ARGLU1: variants seen among roughly 807,000 people sequenced by gnomAD.
ARGLU1 encodes the protein arginine and glutamate rich 1.
A neutral mutation model predicts 37.6 loss-of-function variants in ARGLU1; 9 were observed. That is an observed-to-expected ratio of 0.24 (90% CI 0.14 to 0.42). The LOEUF is 0.42. Among genes scored for constraint, ARGLU1 ranks in the 10% least tolerant of loss-of-function variants. ARGLU1 has a pLI of 1.00. For synonymous variants in ARGLU1, 166 were observed against 138.5 expected (o/e 1.20, Z -1.39); for missense variants, 211 against 359.2 (o/e 0.59, Z 3.34).
At position 106,559,626 on chromosome 13, in the gene ARGLU1, C is replaced by T. The variant is rs1216219955; in HGVS notation, c.379G>A (p.Glu127Lys). Residue 127 changes from glutamate to lysine, a missense_variant, in exon 2 of 4, where the codon GAG becomes AAG. Glu to Lys is a moderately conservative substitution (Grantham distance 56, BLOSUM62 1). This residue lies in a region of ARGLU1 where 1 missense variants were observed against 21.1 expected (regional missense o/e 0.05). Transcript: ENST00000400198. ...TCTACTCTTCGTGCTGTTTCTTCCT[C>T]GATGAGTTTTTCTTCTATTTCTTGC... ...RQQEIEEKLI[E>K]EETARRVEEL... The T allele has an allele frequency of 1.2e-6, 2 of 1,613,522 alleles. No individual in the cohort carries two copies. The highest frequency in any genetic ancestry group is 1.7e-6 in the Non-Finnish European group (2 of 1,179,794).
chr13:106,557,083 T>C lies in ARGLU1; in HGVS notation c.622A>G (p.Asn208Asp). Residue 208 changes from asparagine (N) to aspartate (D), a missense_variant, in exon 3 of 4, where the codon AAT becomes GAT. Around this residue, in one of 3 missense-constraint regions of ARGLU1, gnomAD observed 80 missense variants for 158.4 expected, o/e 0.51. Coordinates refer to ENST00000400198, the MANE Select transcript of ARGLU1 (RefSeq NM_018011.4). This position sits in a 1 kb window ranked among gnomAD's most constrained non-coding sequence, Gnocchi z 5.0. ...TGTGCTTCTGCAATTTTTCGGTTAT[T>C]CTCTTCCAGTATTCGCTCTAGCTCC... ...REELERILEE[N>D]NRKIAEAQAK... The C allele has an allele frequency of 6.2e-7, 1 of 1,614,098 alleles. No homozygotes were observed. The highest frequency in any genetic ancestry group is 8.5e-7 in the Non-Finnish European group (1 of 1,179,940).
chr13:106,554,921 T>A (rs1282434414), intron 3 of ARGLU1, among the ~76,000 whole-genome samples: 3 of 152,120 alleles, frequency 2.0e-5, no homozygotes, highest in African/African-American at 7.2e-5. Context: ...CAGTATCAAT[T>A]TACTACGCTC....
chr13:106,560,608 T>C (rs1371836448), intron 1 of ARGLU1, among the ~76,000 whole-genome samples: 1 of 152,184 alleles, frequency 6.6e-6, no homozygotes. Context: ...ATAAAATTAA[T>C]TTCATCCATT....
At chr13:106,563,001 A>AC (rs1040619280) in intron 1 of ARGLU1, among the ~76,000 whole-genome samples, 6 of 121,432 alleles carry the variant, frequency 4.9e-5, no homozygotes, top group African/African-American at 1.9e-4. Flanking sequence ...AAAAAAAAAA[A>AC]AAAAAAACAA....
Position 106,543,062 on chromosome 13 carries a change from G to C in ARGLU1, c.*934C>G, listed in dbSNP as rs185000451. On this transcript the variant is annotated 3_prime_UTR_variant, in exon 4 of 4. Transcript: ENST00000400198. ...CTTATATCCTAAAACAGAGGCACAG[G>C]TTTGAGAATTTAAATCTTCTGGATG... The C allele has an allele frequency of 6.6e-6, 1 of 151,960 alleles. No individual in the cohort carries two copies. Among genetic ancestry groups the C allele is most frequent in the Admixed American group, 6.6e-5 (1 of 15,256 alleles). 9.4% of individuals were successfully genotyped at this position (151,960 alleles called of 1,614,324 possible). A position where few individuals can be genotyped will look rare whatever the true frequency, so the allele number is the denominator to read the frequency against.
At chr13:106,549,187 G>T (rs557368095) in intron 3 of ARGLU1, among the ~76,000 whole-genome samples, 6 of 152,158 alleles carry the variant, frequency 3.9e-5, no homozygotes, top group Admixed American at 2.6e-4. Context: ...CAGAGATACT[G>T]AAATCTATTC....
In ARGLU1 at chr13:106,543,875, A is replaced by G; in HGVS notation, c.*121T>C. The G allele has an allele frequency of 9.9e-7, 1 of 1,007,562 alleles. No homozygotes were observed. The highest frequency in any genetic ancestry group is 1.4e-6 in the Non-Finnish European group (1 of 706,440). The allele number at this position is 1,007,562 out of a possible 1,614,324, so 62.4% of individuals were successfully genotyped here. On this transcript the variant is annotated 3_prime_UTR_variant, in exon 4 of 4. Transcript: ENST00000400198. ...GCAGAGCATAGCCCCTATTAGAACA[A>G]GCTAACTTTCCAGATTTTACAAATT...
rs150399115 is a variant in ARGLU1 at position 106,556,779 on chromosome 13, G to C, written c.657+269C>G. Reference sequence around the variant, plus strand: ...TTTAGGCATAGGAGAATGTGAATGAGGTTAGGAAAGAAAAAACTGGGGATA... The same window carrying C: ...TTTAGGCATAGGAGAATGTGAATGACGTTAGGAAAGAAAAAACTGGGGATA... On this transcript the variant is annotated intron_variant, in intron 3 of 3. Transcript: ENST00000400198. Among the ~76,000 whole-genome samples, 335 of 152,200 alleles carry C rather than the reference G, an allele frequency of 2.2e-3. 3 individuals carry two copies. The highest frequency in any genetic ancestry group is 0.019 in the Admixed American group (290 of 15,284).
chr13:106,545,825 G>C (rs1167391644), intron 3 of ARGLU1, among the ~76,000 whole-genome samples: 1 of 152,174 alleles, frequency 6.6e-6, no homozygotes, highest in African/African-American at 2.4e-5. Context: ...AATCTGGCAG[G>C]TGAGCATGGT....
rs1049155361 is a variant in ARGLU1, at chr13:106,555,318, G to A, written c.657+1730C>T. On this transcript the variant is annotated intron_variant, in intron 3 of 3. Coordinates refer to ENST00000400198, the MANE Select transcript of ARGLU1 (RefSeq NM_018011.4). ...GGAGGCTGCAATGACCCGAGACTGCGCCATTGCACTTCAGCCTGGGCAACA... is the reference window on the plus strand; with the variant it reads ...GGAGGCTGCAATGACCCGAGACTGCACCATTGCACTTCAGCCTGGGCAACA... 3.3e-5 allele frequency among the ~76,000 whole-genome samples: 5 copies of A among 152,210 alleles called. No homozygotes were observed. The East Asian group carries it at 7.7e-4, about 24-fold the overall frequency.
chr13:106,547,822 A>G (rs1880433702), intron 3 of ARGLU1, among the ~76,000 whole-genome samples: 1 of 152,156 alleles, frequency 6.6e-6, no homozygotes, highest in Admixed American at 6.5e-5. Flanking sequence ...TCCTAAAAAA[A>G]CAAAATTTGA....
chr13:106,545,208 A>T (rs1880360295), intron 3 of ARGLU1, among the ~76,000 whole-genome samples: 3 of 152,196 alleles, frequency 2.0e-5, no homozygotes, highest in Admixed American at 6.5e-5. Context: ...GACAGCTCCC[A>T]CAACAAAGAA....
intron 2 of ARGLU1, chr13:106,559,223 T>A (rs1390780287): frequency 6.6e-6 from 10 of 1,516,762 alleles, no homozygotes; most frequent in Non-Finnish European, 8.8e-7. Context: ...TATCCTTGAA[T>A]ATGTTTTATA....
Position 106,559,520 on chromosome 13 carries a change from T to A in ARGLU1, c.485A>T (p.Glu162Val), listed in dbSNP as rs764160022. The A allele has an allele frequency of 2.5e-6, 4 of 1,614,208 alleles. No individual in the cohort carries two copies. Among genetic ancestry groups the A allele is most frequent in the Non-Finnish European group, 3.4e-6 (4 of 1,180,044 alleles). ...EIEREVLRRVEEAKRIMEKQL... is the reference protein window; with the variant it reads ...EIEREVLRRVVEAKRIMEKQL... ...CTTTTCCATGATGCGTTTGGCTTCC[T>A]CCACCCTTCGGAGAACTTCTCGTTC... is the stretch of plus-strand genomic sequence containing the variant. The change falls in exon 2 of 4, where the codon GAG becomes GTG. Residue 162 changes from glutamate (E) to valine (V), a missense_variant. This residue lies in a region of ARGLU1 where 80 missense variants were observed against 158.4 expected (regional missense o/e 0.51). Transcript: ENST00000400198.
chr13:106,544,231 G>C, intron 3 of ARGLU1, 71 bp from the exon 4 acceptor site: 1 of 1,360,046 alleles, frequency 7.4e-7, no homozygotes, highest in South Asian at 1.7e-5. Context: ...TGCAACAGGT[G>C]TTATCTATTA....
In ARGLU1 at chr13:106,557,581, A is replaced by T. The variant is rs1163417453; in HGVS notation, c.574-450T>A. The T allele has an allele frequency of 1.2e-6, 2 of 1,608,774 alleles. No individual in the cohort carries two copies. The highest frequency in any genetic ancestry group is 1.7e-6 in the Non-Finnish European group (2 of 1,178,060). On this transcript the variant is annotated intron_variant, in intron 2 of 3. Transcript: ENST00000400198. The surrounding 1 kb of genome is among the most constrained non-coding windows in gnomAD (Gnocchi z 5.0). ...TACTGTCTTGTCCAGTGTCCTGCAG[A>T]GTGTGCTCCTCGGCTGCCATACGCG...
In ARGLU1 at chr13:106,542,965, C is replaced by T. The variant is rs1482149121; in HGVS notation, c.*1031G>A. ...GCTAAGTTCTTTCTGATGGCCCACT[C>T]TGAAAACGATCTCAGATTCCATAAT... On this transcript the variant is annotated 3_prime_UTR_variant, in exon 4 of 4. Coordinates refer to ENST00000400198, the MANE Select transcript of ARGLU1 (RefSeq NM_018011.4). 6.6e-6 allele frequency: 1 copy of T among 152,046 alleles called. No homozygotes were observed. 9.4% of individuals were successfully genotyped at this position (152,046 alleles called of 1,614,324 possible).
chr13:106,552,931 A>G (rs1264755721), intron 3 of ARGLU1, among the ~76,000 whole-genome samples: 1 of 152,176 alleles, frequency 6.6e-6, no homozygotes, highest in Non-Finnish European at 1.5e-5. Flanking sequence ...AAAAACAGTA[A>G]CTACCCATGG....
chr13:106,554,400 T>A (rs1247548187), intron 3 of ARGLU1, among the ~76,000 whole-genome samples: 4 of 152,168 alleles, frequency 2.6e-5, no homozygotes, highest in Non-Finnish European at 5.9e-5. Flanking sequence ...GTATTTTACA[T>A]ATTTCCCAAT....
Sources: allele counts gnomAD v4.1 joint callset (sites outside exome capture counted in the v4.1 genomes callset), GRCh38; gene constraint gnomAD v4.1.1; regional missense constraint gnomAD v4.1.1; non-coding constraint Gnocchi (gnomAD v3.1); transcripts MANE v1.5; gene names NCBI Gene and HGNC (gene_info 2026-07-23, HGNC 2026-07-21).